Variants in MRTFA observed in about 807,000 individuals in gnomAD.
MRTFA encodes the protein myocardin related transcription factor A.
MRTFA carries 20 observed loss-of-function variants against 83.5 expected under a neutral mutation model. The observed-to-expected ratio is 0.24, with a 90% confidence interval of 0.17 to 0.35. The LOEUF (loss-of-function observed/expected upper bound fraction) is 0.35, where lower values mean the gene tolerates loss of function less well. Among genes scored for constraint, MRTFA ranks in the 10% least tolerant of loss-of-function variants. MRTFA has a pLI of 1.00. For missense variants in MRTFA, 1,200 were observed against 1,224.7 expected, an observed-to-expected ratio of 0.98 and a Z score of 0.30; for synonymous variants, 659 against 541.2, an observed-to-expected ratio of 1.22 and a Z score of -3.02.
At chr22:40,483,750 A>G (rs1569290686) in intron 3 of MRTFA, among the ~76,000 whole-genome samples, 1 of 152,068 alleles carries the variant, frequency 6.6e-6, no homozygotes, top group Non-Finnish European at 1.5e-5. Context: ...GATGGAGTAC[A>G]GTGGTGCGAT....
intron 3 of MRTFA, among the ~76,000 whole-genome samples, chr22:40,525,905 C>A (rs1332162780): frequency 6.6e-6 from 1 of 152,006 alleles, no homozygotes; most frequent in East Asian, 1.9e-4. Flanking sequence ...GAGACAGCCA[C>A]AACCAATAAA....
chr22:40,533,950 G>C (rs2055125265), intron 3 of MRTFA: 1 of 268,384 alleles, frequency 3.7e-6, no homozygotes, highest in Non-Finnish European at 7.0e-6. Flanking sequence ...CATATATAAA[G>C]AGACTTTCAG....
intron 14 of MRTFA, among the ~76,000 whole-genome samples, chr22:40,413,498 A>G (rs1488081286): frequency 5.9e-5 from 9 of 151,790 alleles, no homozygotes; most frequent in East Asian, 1.9e-4. Context: ...TGCCTGGCTA[A>G]TTTTTTCACC....
intron 3 of MRTFA, among the ~76,000 whole-genome samples, chr22:40,500,348 A>ATT (rs67459262): frequency 7.1e-4 from 99 of 139,100 alleles, no homozygotes; most frequent in East Asian, 1.0e-3. Context: ...TATTTTTTTT[A>ATT]TTTTTTTTTT....
intron 3 of MRTFA, among the ~76,000 whole-genome samples, chr22:40,514,403 T>C (rs1486088003): frequency 6.6e-6 from 1 of 151,922 alleles, no homozygotes; most frequent in African/African-American, 2.4e-5. Context: ...GAATTGAGAA[T>C]CATGTTTCTT....
chr22:40,433,225 T>C (rs1033917632), intron 5 of MRTFA: 10 of 162,318 alleles, frequency 6.2e-5, no homozygotes, highest in African/African-American at 1.9e-4. Flanking sequence ...AGGTCTCTGA[T>C]GGAAAACCAG....
intron 1 of MRTFA, among the ~76,000 whole-genome samples, chr22:40,609,862 T>C (rs1416638212): frequency 6.6e-6 from 1 of 152,058 alleles, no homozygotes; most frequent in African/African-American, 2.4e-5. Flanking sequence ...AGATAACAGG[T>C]ATTTGAAATA....
chr22:40,617,528 C>T (rs559090110), intron 1 of MRTFA, among the ~76,000 whole-genome samples: 160 of 152,048 alleles, frequency 1.1e-3, no homozygotes, highest in African/African-American at 3.7e-3. Flanking sequence ...AGATCGAGAC[C>T]ATCCTGGCTA....
chr22:40,419,449 G>A (rs533466901), intron 11 of MRTFA, 65 bp from the exon 12 acceptor site: 1 of 1,491,278 alleles, frequency 6.7e-7, no homozygotes, highest in African/African-American at 1.4e-5. Flanking sequence ...GGTCCAGGCA[G>A]AAGGGCAGTC....
At chr22:40,518,218 G>T (rs943714215) in intron 3 of MRTFA, among the ~76,000 whole-genome samples, 4 of 152,112 alleles carry the variant, frequency 2.6e-5, no homozygotes, top group Non-Finnish European at 5.9e-5. Context: ...GGAAACCTCT[G>T]ATTTGTAGCC....
chr22:40,420,261 G>C (rs1034722922), intron 11 of MRTFA, 144 bp downstream of exon 11: 15 of 941,290 alleles, frequency 1.6e-5, no homozygotes, highest in African/African-American at 5.0e-5. Context: ...TGTCTGATGG[G>C]GACCAGAGCC....
At position 40,620,023 on chromosome 22, in the gene MRTFA, T is replaced by C. The variant is rs374608370; in HGVS notation, c.-84+16455A>G. On this transcript the variant is annotated intron_variant, in intron 1 of 14. Transcript: ENST00000355630. ...CCCAGGCTGGAGTGCAGTGGCGTGATCTTGGCTCAATGCAGCCTCCGTCTC... is the reference window on the plus strand; with the variant it reads ...CCCAGGCTGGAGTGCAGTGGCGTGACCTTGGCTCAATGCAGCCTCCGTCTC... Among the ~76,000 whole-genome samples the C allele has an allele frequency of 3.4e-4, 52 of 151,872 alleles. 3 individuals are homozygous for C. The highest frequency in any genetic ancestry group is 1.1e-3 in the African/African-American group (47 of 41,416).
chr22:40,613,647 G>C (rs2056413037), intron 1 of MRTFA, among the ~76,000 whole-genome samples: 1 of 151,872 alleles, frequency 6.6e-6, no homozygotes, highest in Non-Finnish European at 1.5e-5. Flanking sequence ...CTTGGGCCTA[G>C]GAATTCAAGA....
intron 3 of MRTFA, among the ~76,000 whole-genome samples, chr22:40,475,064 C>A (rs986057614): frequency 1.3e-5 from 2 of 151,514 alleles, no homozygotes; most frequent in African/African-American, 4.8e-5. Context: ...GTCTAGAACT[C>A]CTGATTTCAG....
chr22:40,551,360 A>G (rs931765200), intron 3 of MRTFA, among the ~76,000 whole-genome samples: 1 of 151,960 alleles, frequency 6.6e-6, no homozygotes, highest in Admixed American at 6.6e-5. Flanking sequence ...TCACTTATTT[A>G]TTATTTGTTT....
chr22:40,467,878 G>A (rs757704793), intron 3 of MRTFA, among the ~76,000 whole-genome samples: 2 of 152,076 alleles, frequency 1.3e-5, no homozygotes, highest in African/African-American at 4.8e-5. Flanking sequence ...GTTTCTAAAT[G>A]GGCCTGTGTG....
intron 3 of MRTFA, among the ~76,000 whole-genome samples, chr22:40,527,050 AG>A (rs1439751877): frequency 1.3e-5 from 2 of 151,968 alleles, no homozygotes. Flanking sequence ...TGCTTGAGCC[AG>A]GAAGGTTGAG....
At chr22:40,583,252 A>C (rs927679299) in intron 2 of MRTFA, among the ~76,000 whole-genome samples, 9 of 152,178 alleles carry the variant, frequency 5.9e-5, no homozygotes, top group African/African-American at 2.2e-4. Context: ...TTAGTGAAAA[A>C]CAAAATGTGT....
At chr22:40,539,963 A>T (rs1376573021) in intron 3 of MRTFA, among the ~76,000 whole-genome samples, 1 of 141,092 alleles carries the variant, frequency 7.1e-6, no homozygotes, top group Admixed American at 7.3e-5. Flanking sequence ...AGACAAGAGT[A>T]CAGTGGAGTG....
Sources: gnomAD v4.1 joint callset for allele counts (sites outside exome capture counted in the v4.1 genomes callset) on GRCh38, gnomAD v4.1.1 for gene constraint, MANE v1.5 for transcripts, NCBI Gene and HGNC (gene_info 2026-07-23, HGNC 2026-07-21) for gene names.